The following MYRF variants were observed in gnomAD, a reference collection of about 807,000 sequenced individuals.
The protein encoded by MYRF is myelin gene regulatory factor.
MYRF carries 16 observed loss-of-function variants against 126.3 expected under a neutral mutation model. The ratio of observed to expected loss-of-function variants is 0.13; its 90% CI spans 0.09 to 0.19. The LOEUF (loss-of-function observed/expected upper bound fraction) is 0.19. Ranked by LOEUF, MYRF falls within the 10% of genes least tolerant of loss-of-function variation. MYRF has a pLI of 1.00. For missense variants in MYRF, 1,104 were observed against 1,547.0 expected, an observed-to-expected ratio of 0.71 and a Z score of 4.80; for synonymous variants, 608 against 635.3, an observed-to-expected ratio of 0.96 and a Z score of 0.65.
At chr11:61,769,226 C>A in intron 3 of MYRF, 34 bp from the exon 4 acceptor site, 3 of 1,412,768 alleles carry the variant, frequency 2.1e-6, no homozygotes, top group Non-Finnish European at 2.0e-6. Flanking sequence ...AGCTCAGCTG[C>A]TCACCCCCCG....
rs1290024804 is a variant in MYRF, at chr11:61,778,385, A to G, written c.1909A>G (p.Ile637Val). ...IEATAPETGV[I>V]AQEVKEILPE... ...GGCTTGTCCCCTGCCCCCAGGTGTC[A>G]TCGCTCAGGAGGTGAAGGAGATCTT... The change falls in exon 14 of 27, where the codon ATC (isoleucine) becomes GTC (valine). Residue 637 changes from isoleucine (I) to valine (V), a missense_variant. Transcript: ENST00000278836. This position sits in a 1 kb window ranked among gnomAD's most constrained non-coding sequence, Gnocchi z 4.6. 1.2e-6 allele frequency: 2 copies of G among 1,613,064 alleles called. No individual in the cohort carries two copies. The highest frequency in any genetic ancestry group is 3.3e-5 in the Admixed American group (2 of 60,024).
intron 1 of MYRF, among the ~76,000 whole-genome samples, chr11:61,761,072 G>C (rs898616716): frequency 1.3e-5 from 2 of 152,096 alleles, no homozygotes; most frequent in African/African-American, 2.4e-5. Flanking sequence ...CTCGGGCCCC[G>C]GCCCACCCTA....
Position 61,776,135 on chromosome 11 carries a change from G to A in MYRF, c.1388+3G>A. The A allele has an allele frequency of 1.2e-6, 2 of 1,614,052 alleles. No homozygotes were observed. The highest frequency in any genetic ancestry group is 8.5e-7 in the Non-Finnish European group (1 of 1,179,952). On this transcript the variant is annotated splice_donor_region_variant and intron_variant, in intron 9 of 26. Transcript: ENST00000278836. This position sits in a 1 kb window ranked among gnomAD's most constrained non-coding sequence, Gnocchi z 4.3. The stretch of plus-strand genomic sequence containing the variant: ...AAGCGGCCCTTCAACCCGGTCACGT[G>A]AGTGTCTGACCCTGTTGGGGGTGGT...
intron 1 of MYRF, chr11:61,755,667 C>T (rs1565275741): frequency 1.4e-6 from 1 of 711,488 alleles, no homozygotes; most frequent in South Asian, 1.5e-5. Context: ...AGAGAAGAAC[C>T]TCAGCTCTGA....
chr11:61,774,646 A>C (rs1048417235), intron 8 of MYRF, among the ~76,000 whole-genome samples: 6 of 138,304 alleles, frequency 4.3e-5, no homozygotes, highest in Non-Finnish European at 7.8e-5. Context: ...CCTGCCCCTC[A>C]GCCTGCCTCC....
At position 61,777,018 on chromosome 11, in the gene MYRF, T is replaced by G; in HGVS notation, c.1590+141T>G. The G allele has an allele frequency of 1.2e-6, 1 of 847,022 alleles. No individual in the cohort carries two copies. The highest frequency in any genetic ancestry group is 1.7e-5 in the South Asian group (1 of 58,132). The allele number at this position is 847,022 out of a possible 1,614,324, so 52.5% of individuals were successfully genotyped here. A position where few individuals can be genotyped will look rare whatever the true frequency, so the allele number is the denominator to read the frequency against. On this transcript the variant is annotated intron_variant, in intron 11 of 26. Coordinates refer to ENST00000278836, the MANE Select transcript of MYRF (RefSeq NM_001127392.3). The surrounding 1 kb of genome is among the most constrained non-coding windows in gnomAD (Gnocchi z 8.8). ...CTGGCTGTGTGGCCTTGGGCAAAGC[T>G]CCCACCCTCTCTGGGCTGCAGGGTC...
chr11:61,785,943 TG>T, intron 26 of MYRF, 69 bp downstream of exon 26: 1 of 1,573,242 alleles, frequency 6.4e-7, no homozygotes, highest in Non-Finnish European at 8.7e-7. Context: ...GCTTGAGGAA[TG>T]GGGGGTTTGC....
At chr11:61,755,321 T>G (rs1591069311) in intron 1 of MYRF, 1 of 1,540,198 alleles carries the variant, frequency 6.5e-7, no homozygotes, top group East Asian at 2.3e-5. Flanking sequence ...TCGAGGCTGG[T>G]ACAGCCGGGC....
chr11:61,783,497 G>A lies in MYRF; in HGVS notation c.3017-1G>A, dbSNP rs758880011. 38 of 1,612,940 alleles carry A rather than the reference G, an allele frequency of 2.4e-5. No homozygotes were observed. Among genetic ancestry groups the A allele is most frequent in the Non-Finnish European group, 3.2e-5 (38 of 1,179,410 alleles). On this transcript the variant is annotated splice_acceptor_variant, in intron 22 of 26. Coordinates refer to ENST00000278836, the MANE Select transcript of MYRF (RefSeq NM_001127392.3). LOFTEE classifies it high-confidence loss of function. The surrounding 1 kb of genome is among the most constrained non-coding windows in gnomAD (Gnocchi z 4.6). ...TTGTCACCTTACTCCTGCCCCAACA[G>A]CCTCTCTCCTTGCAGAGCCAGTGCC...
chr11:61,772,494 C>T (rs2066255975), intron 7 of MYRF, among the ~76,000 whole-genome samples: 1 of 152,264 alleles, frequency 6.6e-6, no homozygotes, highest in African/African-American at 2.4e-5. Flanking sequence ...TATTGCCAGG[C>T]CTGGGCCAGT....
intron 24 of MYRF, 167 bp downstream of exon 24, chr11:61,784,092 G>T: frequency 9.9e-7 from 1 of 1,006,230 alleles, no homozygotes; most frequent in South Asian, 1.5e-5. Flanking sequence ...CTGGCTAAAT[G>T]ACCTGGCCTC....
intron 25 of MYRF, chr11:61,784,614 G>C: frequency 3.7e-6 from 2 of 540,588 alleles, no homozygotes; most frequent in Non-Finnish European, 6.7e-6. Flanking sequence ...TGCTGGAGAC[G>C]TGGGGAAGAC....
Position 61,777,495 on chromosome 11 carries a change from T to C in MYRF, c.1791+31T>C. On this transcript the variant is annotated intron_variant, in intron 12 of 26. Transcript: ENST00000278836. This position sits in a 1 kb window ranked among gnomAD's most constrained non-coding sequence, Gnocchi z 8.8. ...GACAGGGCTGTGGGGGCCGGGCGGG[T>C]CCAGACGCTGGAGCGGGCCGCGGGG... 1 of 1,391,076 alleles carries C rather than the reference T, an allele frequency of 7.2e-7. No individual in the cohort carries two copies. The allele number at this position is 1,391,076 out of a possible 1,614,324, so 86.2% of individuals were successfully genotyped here.
At chr11:61,755,914 AG>A (rs1318137877) in intron 1 of MYRF, among the ~76,000 whole-genome samples, 1 of 152,192 alleles carries the variant, frequency 6.6e-6, no homozygotes, top group Non-Finnish European at 1.5e-5. Flanking sequence ...CGGCCTCTGG[AG>A]CCCCACCAGG....
In MYRF at chr11:61,757,342, C is replaced by A; in HGVS notation, c.46+4552C>A. The A allele has an allele frequency of 4.4e-6, 2 of 455,918 alleles. No homozygotes were observed. Among genetic ancestry groups the A allele is most frequent in the Non-Finnish European group, 8.8e-6 (2 of 226,442 alleles). 28.2% of individuals were successfully genotyped at this position (455,918 alleles called of 1,614,324 possible). ...GCTTCTCTTGGCCGTATCAGGGCAC[C>A]GCTGTGCCTCCGCTTTCTCATCTGT... is the stretch of plus-strand genomic sequence containing the variant. On this transcript the variant is annotated intron_variant, in intron 1 of 26. Transcript: ENST00000278836. This position sits in a 1 kb window ranked among gnomAD's most constrained non-coding sequence, Gnocchi z 4.7.
In MYRF at chr11:61,779,412, G is replaced by A. The variant is rs911121054; in HGVS notation, c.2163G>A (p.Ser721=). ...RLDSLKSTGS[S]GAFSHAGSQF... Reference sequence around the variant, plus strand: ...ACAGCCTCAAGTCCACCGGCAGCTCGGGCGCCTTCAGGTAGGGGTGCGGGG... The same window carrying A: ...ACAGCCTCAAGTCCACCGGCAGCTCAGGCGCCTTCAGGTAGGGGTGCGGGG... Residue 721 remains serine (S), a synonymous_variant, in exon 15 of 27, where the codon TCG becomes TCA. Coordinates refer to ENST00000278836, the MANE Select transcript of MYRF (RefSeq NM_001127392.3). The A allele has an allele frequency of 8.4e-6, 13 of 1,551,208 alleles. No homozygotes were observed. The highest frequency in any genetic ancestry group is 2.7e-5 in the African/African-American group (2 of 73,170).
intron 25 of MYRF, 44 bp downstream of exon 25, chr11:61,784,429 C>T: frequency 6.5e-7 from 1 of 1,536,958 alleles, no homozygotes; most frequent in Non-Finnish European, 8.9e-7. Context: ...GCCCGAGCTG[C>T]TTCTCTCCTG....
chr11:61,761,184 TC>T lies in MYRF; in HGVS notation c.47-4438del, dbSNP rs554777028. Among the ~76,000 whole-genome samples, 1,136 of 142,612 alleles carry T rather than the reference TC, an allele frequency of 8.0e-3. 17 individuals carry two copies. The highest frequency in any genetic ancestry group is 0.028 in the African/African-American group (1,086 of 38,412). 93.6% of individuals were successfully genotyped at this position (142,612 alleles called of 152,430 possible). A position where few individuals can be genotyped will look rare whatever the true frequency, so the allele number is the denominator to read the frequency against. Reference sequence around the variant, plus strand: ...GGAGGGGGTGGGCAGGGCACAAGCCTCCCACTGTGCCGTGTCCCCACCCTCC... The same window carrying T: ...GGAGGGGGTGGGCAGGGCACAAGCCTCCACTGTGCCGTGTCCCCACCCTCC... On this transcript the variant is annotated intron_variant, in intron 1 of 26. Coordinates refer to ENST00000278836, the MANE Select transcript of MYRF (RefSeq NM_001127392.3).
intron 1 of MYRF, chr11:61,754,422 G>A (rs1009707334): frequency 3.3e-5 from 5 of 152,430 alleles, no homozygotes; most frequent in Non-Finnish European, 4.4e-5. Flanking sequence ...AGGAGCTCTC[G>A]AGGGGCCTGA....
Sources: gnomAD v4.1 joint callset for allele counts (sites outside exome capture counted in the v4.1 genomes callset) on GRCh38, gnomAD v4.1.1 for gene constraint, Gnocchi (gnomAD v3.1) non-coding constraint, MANE v1.5 for transcripts, NCBI Gene and HGNC (gene_info 2026-07-23, HGNC 2026-07-21) for gene names.